The following SRGAP3 variants were observed in gnomAD, a reference collection of about 807,000 sequenced individuals.
SRGAP3 encodes SLIT-ROBO Rho GTPase activating protein 3, also known as SLIT-ROBO Rho GTPase-activating protein 3.
SRGAP3 carries 39 observed loss-of-function variants against 121.1 expected under a neutral mutation model. The ratio of observed to expected loss-of-function variants is 0.32; its 90% CI spans 0.25 to 0.42. The LOEUF is 0.42. Ranked by LOEUF, SRGAP3 falls within the 10% of genes least tolerant of loss-of-function variation. The pLI, the probability that SRGAP3 is intolerant of heterozygous loss-of-function variation, is 1.00. For synonymous variants in SRGAP3, 601 were observed against 570.0 expected, an observed-to-expected ratio of 1.05 and a Z score of -0.77; for missense variants, 1,213 against 1,470.6, an observed-to-expected ratio of 0.82 and a Z score of 2.86.
intron 4 of SRGAP3, among the ~76,000 whole-genome samples, chr3:9,070,614 G>T (rs1324853794): frequency 6.6e-6 from 1 of 152,178 alleles, no homozygotes; most frequent in East Asian, 1.9e-4. Context: ...TGAACAGATG[G>T]GTGGGTGGGT....
At chr3:9,104,332 C>T (rs1278918048) in intron 3 of SRGAP3, among the ~76,000 whole-genome samples, 2 of 152,210 alleles carry the variant, frequency 1.3e-5, no homozygotes, top group Non-Finnish European at 2.9e-5. Flanking sequence ...AAGTGATTAT[C>T]TCCAAACAAT....
intron 1 of SRGAP3, among the ~76,000 whole-genome samples, chr3:9,231,312 C>G (rs1338701647): frequency 2.0e-5 from 3 of 152,168 alleles, no homozygotes; most frequent in African/African-American, 7.2e-5. Flanking sequence ...CTCACAATCC[C>G]TTGTCATTCA....
intron 1 of SRGAP3, among the ~76,000 whole-genome samples, chr3:9,202,910 A>C (rs773873379): frequency 6.6e-6 from 1 of 152,086 alleles, no homozygotes; most frequent in Non-Finnish European, 1.5e-5. Context: ...GGGAAAACCA[A>C]CTGCAGTGAC....
intron 4 of SRGAP3, among the ~76,000 whole-genome samples, chr3:9,078,199 G>C (rs1178537089): frequency 4.6e-5 from 7 of 152,094 alleles, no homozygotes; most frequent in Admixed American, 4.6e-4. Flanking sequence ...TGTAAATAGA[G>C]GGCACCAAGA....
intron 11 of SRGAP3, chr3:9,034,509 C>T (rs981494071): frequency 1.3e-5 from 2 of 152,238 alleles, no homozygotes; most frequent in African/African-American, 4.8e-5. Context: ...CCAACTTCTC[C>T]TAGGTGTTTG....
chr3:9,169,853 G>C (rs554246668), intron 1 of SRGAP3, among the ~76,000 whole-genome samples: 2 of 152,202 alleles, frequency 1.3e-5, no homozygotes, highest in African/African-American at 2.4e-5. Context: ...GGGGGGAAAA[G>C]CCTTGGAAGT....
chr3:9,186,318 C>G (rs950403373), intron 1 of SRGAP3, among the ~76,000 whole-genome samples: 1 of 152,188 alleles, frequency 6.6e-6, no homozygotes, highest in Admixed American at 6.5e-5. Flanking sequence ...GAGTGTCTCT[C>G]TATTACAATA....
rs997339792 is a variant in SRGAP3, at chr3:9,281,864, G to A, written n.442+44146C>T. ...GTTTTTGTATTTTTAGTAGAGACAG[G>A]GTTTCGCTATGTTGGCCAGGCTGGT... On this transcript the variant is annotated intron_variant and non_coding_transcript_variant, in intron 3 of 3. Coordinates refer to the SRGAP3 transcript ENST00000490889. Among the ~76,000 whole-genome samples the A allele has an allele frequency of 2.0e-5, 3 of 152,140 alleles. No individual in the cohort carries two copies. The East Asian group carries it at 5.8e-4, about 29-fold the overall frequency.
intron 1 of SRGAP3, among the ~76,000 whole-genome samples, chr3:9,245,390 T>C (rs1168913717): frequency 6.6e-6 from 1 of 152,136 alleles, no homozygotes; most frequent in Admixed American, 6.5e-5. Flanking sequence ...AAGCACCCAA[T>C]GACACTGAGG....
At chr3:9,247,650 C>A (rs1953871396) in intron 1 of SRGAP3, among the ~76,000 whole-genome samples, 1 of 152,198 alleles carries the variant, frequency 6.6e-6, no homozygotes, top group Non-Finnish European at 1.5e-5. Flanking sequence ...GTGGCAACCT[C>A]AGGTTGCTTG....
chr3:9,320,049 T>C (rs1471320788), intron 3 of SRGAP3, among the ~76,000 whole-genome samples: 4 of 151,898 alleles, frequency 2.6e-5, no homozygotes, highest in African/African-American at 9.7e-5. Context: ...GGATTCCCTG[T>C]CACATGGATT....
intron 1 of SRGAP3, among the ~76,000 whole-genome samples, chr3:9,163,138 A>G (rs907255402): frequency 8.5e-5 from 13 of 152,208 alleles, no homozygotes; most frequent in African/African-American, 2.9e-4. Flanking sequence ...ATCGCTGTTA[A>G]CATCATCTGG....
chr3:9,228,386 C>G (rs760053141), intron 1 of SRGAP3, among the ~76,000 whole-genome samples: 4 of 152,186 alleles, frequency 2.6e-5, no homozygotes, highest in Non-Finnish European at 4.4e-5. Context: ...CAAGTAAATG[C>G]ACCACTGGCC....
chr3:9,141,763 T>C (rs1195331620), intron 1 of SRGAP3, among the ~76,000 whole-genome samples: 3 of 152,188 alleles, frequency 2.0e-5, no homozygotes, highest in Non-Finnish European at 4.4e-5. Flanking sequence ...AGCAACCCCT[T>C]TCGGTCATCA....
At chr3:9,335,540 G>C (rs927126824) in intron 1 of SRGAP3, among the ~76,000 whole-genome samples, 1 of 152,058 alleles carries the variant, frequency 6.6e-6, no homozygotes, top group South Asian at 2.1e-4. Flanking sequence ...AGCCATATCA[G>C]GCTCATTTGG....
intron 1 of SRGAP3, among the ~76,000 whole-genome samples, chr3:9,346,072 C>T (rs774622698): frequency 2.0e-5 from 3 of 152,114 alleles, no homozygotes; most frequent in Non-Finnish European, 2.9e-5. Flanking sequence ...TCACAAAAAA[C>T]GTGCAGTAGT....
chr3:9,010,464 T>G (rs1574901096), intron 17 of SRGAP3, 77 bp from the exon 18 acceptor site: 4 of 1,557,922 alleles, frequency 2.6e-6, no homozygotes, highest in Admixed American at 3.3e-5. Context: ...CTCATGCCAG[T>G]CCAGTTGGCC....
At chr3:9,051,605 CT>C (rs1457088716) in intron 9 of SRGAP3, among the ~76,000 whole-genome samples, 2 of 151,588 alleles carry the variant, frequency 1.3e-5, no homozygotes. Flanking sequence ...ACAGCTATAA[CT>C]GATAATAACT....
At chr3:9,128,672 A>G (rs1949331724) in intron 1 of SRGAP3, among the ~76,000 whole-genome samples, 1 of 152,228 alleles carries the variant, frequency 6.6e-6, no homozygotes, top group South Asian at 2.1e-4. Flanking sequence ...CTTTATAGCC[A>G]AATATTAGAA....
Sources: gnomAD v4.1 joint callset for allele counts (sites outside exome capture counted in the v4.1 genomes callset) on GRCh38, gnomAD v4.1.1 for gene constraint, MANE v1.5 for transcripts, NCBI Gene and HGNC (gene_info 2026-07-23, HGNC 2026-07-21) for gene names.